DPP6: variants seen among roughly 807,000 people sequenced by gnomAD.
The protein encoded by DPP6 is dipeptidyl peptidase like 6.
A neutral mutation model predicts 122.6 loss-of-function variants in DPP6; 69 were observed. That is an observed-to-expected ratio of 0.56 (90% CI 0.46 to 0.69). The LOEUF (loss-of-function observed/expected upper bound fraction) is 0.69, where lower values mean the gene tolerates loss of function less well. Among genes scored for constraint, DPP6 ranks in the 30% least tolerant of loss-of-function variants. The pLI is 0.00. For missense variants in DPP6, 928 were observed against 1,116.9 expected (o/e 0.83, Z 2.41); for synonymous variants, 418 against 433.1 (o/e 0.97, Z 0.43).
intron 12 of DPP6, among the ~76,000 whole-genome samples, chr7:154,799,706 T>C (rs750012857): frequency 6.6e-6 from 1 of 152,208 alleles, no homozygotes; most frequent in African/African-American, 2.4e-5. Flanking sequence ...TTCACAGATC[T>C]GCTGAGTGGA....
chr7:154,737,280 A>AC (rs1439343549), intron 8 of DPP6, among the ~76,000 whole-genome samples: 1 of 152,132 alleles, frequency 6.6e-6, no homozygotes, highest in Non-Finnish European at 1.5e-5. Context: ...ACCCCACTGC[A>AC]CCCACCCTTC....
At chr7:154,057,026 A>C (rs1800884313) in intron 1 of DPP6, among the ~76,000 whole-genome samples, 1 of 152,228 alleles carries the variant, frequency 6.6e-6, no homozygotes, top group Non-Finnish European at 1.5e-5. Flanking sequence ...ATAGCTATGG[A>C]TATTGCAGGA....
At chr7:154,872,538 T>A in intron 18 of DPP6, 86 bp from the exon 19 acceptor site, 1 of 1,517,456 alleles carries the variant, frequency 6.6e-7, no homozygotes, top group Non-Finnish European at 8.9e-7. Context: ...CAGAGCACCC[T>A]CACCCCCACG....
intron 1 of DPP6, among the ~76,000 whole-genome samples, chr7:153,934,178 C>A (rs962324262): frequency 3.3e-5 from 5 of 152,132 alleles, no homozygotes; most frequent in Non-Finnish European, 7.3e-5. Flanking sequence ...ATTTGAAGCA[C>A]CTTTTGTTTT....
chr7:154,013,951 C>T (rs1028622039), intron 1 of DPP6, among the ~76,000 whole-genome samples: 6 of 151,580 alleles, frequency 4.0e-5, no homozygotes, highest in Non-Finnish European at 7.4e-5. Context: ...CTCTTCTTTC[C>T]TCTCTCCCCT....
At chr7:154,495,445 G>A (rs1481836812) in intron 3 of DPP6, among the ~76,000 whole-genome samples, 1 of 151,822 alleles carries the variant, frequency 6.6e-6, no homozygotes, top group Non-Finnish European at 1.5e-5. Context: ...CAGTTGCCCA[G>A]GCTAAAGTGC....
chr7:154,859,414 G>A (rs1311357031), intron 17 of DPP6, among the ~76,000 whole-genome samples: 1 of 152,192 alleles, frequency 6.6e-6, no homozygotes, highest in African/African-American at 2.4e-5. Flanking sequence ...TTACAGGGCA[G>A]AGCCTCGGCA....
chr7:153,796,123 C>G, the DPP6 span, among the ~76,000 whole-genome samples: 5 of 122,128 alleles, frequency 4.1e-5, no homozygotes, highest in East Asian at 1.0e-3. Flanking sequence ...GATAAAAAGT[C>G]GGTCAGGTTT....
At chr7:153,948,672 A>G (rs1313975173) in intron 1 of DPP6, among the ~76,000 whole-genome samples, 1 of 151,448 alleles carries the variant, frequency 6.6e-6, no homozygotes, top group African/African-American at 2.4e-5. Context: ...TTATTCAAAA[A>G]TGAACAAAAT....
chr7:154,151,747 C>A (rs2150687230), intron 1 of DPP6, among the ~76,000 whole-genome samples: 1 of 152,062 alleles, frequency 6.6e-6, no homozygotes, highest in East Asian at 1.9e-4. Flanking sequence ...TCTCCCCTAC[C>A]CCAGGCCACT....
At position 154,769,423 on chromosome 7, in the gene DPP6, T is replaced by C. The variant is rs1796101826; in HGVS notation, c.890T>C (p.Ile297Thr). The change falls in exon 9 of 26, where the codon ATT becomes ACT. Residue 297 changes from isoleucine (I) to threonine (T), a missense_variant. Physicochemically the swap from Ile to Thr is moderately conservative, Grantham distance 89. Transcript: ENST00000377770. ...GLSDWLYEEE[I>T]LKTHIAHWWS... ...CTACTCTGTTTTCCCTTAGAGGAGA[T>C]TTTGAAGACACACATCGCACACTGG... The C allele has an allele frequency of 6.2e-7, 1 of 1,613,428 alleles. No individual in the cohort carries two copies. The highest frequency in any genetic ancestry group is 8.5e-7 in the Non-Finnish European group (1 of 1,179,830).
At chr7:154,732,602 G>A (rs1295725678) in intron 8 of DPP6, among the ~76,000 whole-genome samples, 1 of 152,134 alleles carries the variant, frequency 6.6e-6, no homozygotes, top group Admixed American at 6.5e-5. Flanking sequence ...AACTCGAGAA[G>A]ATATTTATAG....
intron 5 of DPP6, among the ~76,000 whole-genome samples, chr7:154,589,347 G>T (rs749368539): frequency 9.2e-5 from 14 of 152,156 alleles, no homozygotes; most frequent in South Asian, 2.1e-4. Context: ...CCTTGCTCTC[G>T]TGACTTTGTC....
chr7:154,189,343 A>G (rs989758948), intron 1 of DPP6, among the ~76,000 whole-genome samples: 3 of 152,208 alleles, frequency 2.0e-5, no homozygotes, highest in African/African-American at 7.2e-5. Context: ...ATTTCCTCCA[A>G]TTTAAGATGA....
chr7:154,137,280 T>G (rs998276143), intron 1 of DPP6, among the ~76,000 whole-genome samples: 5 of 152,016 alleles, frequency 3.3e-5, no homozygotes, highest in Admixed American at 1.3e-4. Flanking sequence ...ATGAGTGAAG[T>G]CCCTGCTGGA....
intron 1 of DPP6, among the ~76,000 whole-genome samples, chr7:154,433,709 C>A (rs982185886): frequency 2.0e-5 from 3 of 152,194 alleles, no homozygotes; most frequent in African/African-American, 7.2e-5. Flanking sequence ...ATTATTATTT[C>A]TTTTGTCCAA....
intron 1 of DPP6, among the ~76,000 whole-genome samples, chr7:153,950,356 CAAG>C (rs1360605995): frequency 7.9e-5 from 12 of 152,076 alleles, no homozygotes; most frequent in Non-Finnish European, 8.8e-5. Context: ...AGGTGTGAGA[CAAG>C]AGGAGGTAGA....
At chr7:154,410,061 G>C (rs1043789155) in intron 1 of DPP6, among the ~76,000 whole-genome samples, 2 of 152,242 alleles carry the variant, frequency 1.3e-5, no homozygotes, top group African/African-American at 4.8e-5. Flanking sequence ...TATTACATGA[G>C]TTAAAGAAAT....
chr7:154,522,109 A>G lies in DPP6; in HGVS notation c.458-18423A>G, dbSNP rs190687513. Among the ~76,000 whole-genome samples the G allele has an allele frequency of 2.3e-3, 356 of 152,080 alleles. 4 individuals carry two copies. The highest frequency in any genetic ancestry group is 6.0e-3 in the South Asian group (29 of 4,818). On this transcript the variant is annotated intron_variant, in intron 3 of 25. Coordinates refer to ENST00000377770, the MANE Select transcript of DPP6 (RefSeq NM_130797.4). ...TTCCCGGGTAGCTGGGACTACAGGCACCTGCCACCACGCCCGGCTAATTTT... is the reference window on the plus strand; with the variant it reads ...TTCCCGGGTAGCTGGGACTACAGGCGCCTGCCACCACGCCCGGCTAATTTT...
Sources: allele counts gnomAD v4.1 joint callset (sites outside exome capture counted in the v4.1 genomes callset), GRCh38; gene constraint gnomAD v4.1.1; transcripts MANE v1.5; gene names NCBI Gene and HGNC (gene_info 2026-07-23, HGNC 2026-07-21).